The following TRHDE variants were observed in gnomAD, a reference collection of about 807,000 sequenced individuals.
TRHDE encodes the protein thyrotropin-releasing hormone-degrading ectoenzyme.
A neutral mutation model predicts 125.7 loss-of-function variants in TRHDE; 72 were observed. The observed-to-expected ratio is 0.57, with a 90% CI of 0.47 to 0.70. The LOEUF is 0.70. Ranked by LOEUF, TRHDE falls within the 30% of genes least tolerant of loss-of-function variation. The pLI is 0.00. For missense variants in TRHDE, 1,110 were observed against 1,327.1 expected, an observed-to-expected ratio of 0.84 and a Z score of 2.54; for synonymous variants, 509 against 509.1, an observed-to-expected ratio of 1.00 and a Z score of 0.00.
intron 12 of TRHDE, among the ~76,000 whole-genome samples, chr12:72,587,470 G>A (rs1871489181): frequency 6.6e-6 from 1 of 152,054 alleles, no homozygotes; most frequent in Admixed American, 6.6e-5. Flanking sequence ...TAGATAGATA[G>A]ATGATAGGCA....
At chr12:72,322,317 T>G (rs550187372) in intron 2 of TRHDE, among the ~76,000 whole-genome samples, 45 of 152,240 alleles carry the variant, frequency 3.0e-4, no homozygotes, top group African/African-American at 1.1e-3. Flanking sequence ...TCATGGTGAT[T>G]ATTTAAGGAT....
intron 3 of TRHDE, among the ~76,000 whole-genome samples, chr12:72,421,269 G>C (rs1456222749): frequency 2.0e-5 from 3 of 152,088 alleles, no homozygotes; most frequent in African/African-American, 7.2e-5. Flanking sequence ...GCTTCACTTG[G>C]GAGATCCTAG....
chr12:72,469,881 C>A lies in TRHDE; in HGVS notation c.1439C>A (p.Thr480Asn). The change falls in exon 4 of 19, where the codon ACC (threonine) becomes AAC (asparagine). Residue 480 changes from threonine to asparagine, a missense_variant. By Grantham distance (65) the Thr-to-Asn change is moderately conservative (BLOSUM62 0). This residue lies in a region of TRHDE where 252 missense variants were observed against 274.8 expected (regional missense o/e 0.92). Transcript: ENST00000261180. Reference protein sequence around the residue: ...VSSISYLLDVTMVIVHEICHQ... With the variant: ...VSSISYLLDVNMVIVHEICHQ... ...TCTATTTCTTATTTGCTGGATGTCA[C>A]CATGGTCATTGTTCATGAGATATGT... is the stretch of plus-strand genomic sequence containing the variant. 6.2e-7 allele frequency: 1 copy of A among 1,613,976 alleles called. No individual in the cohort carries two copies. The highest frequency in any genetic ancestry group is 1.3e-5 in the African/African-American group (1 of 74,988).
intron 2 of TRHDE, among the ~76,000 whole-genome samples, chr12:72,170,593 C>T (rs1382870003): frequency 6.6e-6 from 1 of 152,018 alleles, no homozygotes; most frequent in African/African-American, 2.4e-5. Context: ...GCAAGGATTG[C>T]TTGGCTCTAC....
chr12:72,121,288 G>T (rs948578706), intron 2 of TRHDE, among the ~76,000 whole-genome samples: 6 of 152,126 alleles, frequency 3.9e-5, no homozygotes, highest in South Asian at 2.1e-4. Context: ...ACCAAGACTT[G>T]TACAGGAATT....
intron 6 of TRHDE, among the ~76,000 whole-genome samples, chr12:72,528,596 C>A (rs1431229606): frequency 6.6e-6 from 1 of 152,066 alleles, no homozygotes; most frequent in East Asian, 1.9e-4. Flanking sequence ...TCAAGTAATT[C>A]TCCTGCCTCA....
intron 1 of TRHDE, among the ~76,000 whole-genome samples, chr12:72,088,045 T>A (rs754502062): frequency 6.6e-6 from 1 of 152,048 alleles, no homozygotes; most frequent in Non-Finnish European, 1.5e-5. Flanking sequence ...TCACTAAATT[T>A]GGTGGAAATG....
chr12:72,645,207 G>T (rs1874233189), intron 15 of TRHDE, among the ~76,000 whole-genome samples: 1 of 152,104 alleles, frequency 6.6e-6, no homozygotes, highest in Non-Finnish European at 1.5e-5. Context: ...TCATAAAGAA[G>T]ATCACTGAAG....
intron 3 of TRHDE, among the ~76,000 whole-genome samples, chr12:72,416,759 G>A (rs184834131): frequency 7.2e-5 from 11 of 152,066 alleles, no homozygotes; most frequent in Non-Finnish European, 1.2e-4. Flanking sequence ...TACCTGTACC[G>A]TGCTGTTTAG....
chr12:72,582,980 G>A (rs1183756602), intron 12 of TRHDE, among the ~76,000 whole-genome samples: 1 of 152,066 alleles, frequency 6.6e-6, no homozygotes, highest in Admixed American at 6.5e-5. Context: ...GTTTTACAAT[G>A]AAATTATGAG....
chr12:72,568,687 T>G, intron 10 of TRHDE, 31 bp downstream of exon 10: 3 of 1,488,054 alleles, frequency 2.0e-6, no homozygotes, highest in South Asian at 1.2e-5. Context: ...TGAGGAAGTA[T>G]CTGGTTTCAG....
chr12:72,512,552 A>G (rs1878646220), intron 6 of TRHDE, among the ~76,000 whole-genome samples: 1 of 139,672 alleles, frequency 7.2e-6, no homozygotes, highest in South Asian at 2.1e-4. Flanking sequence ...ATTCATATAT[A>G]ATCATATATA....
At chr12:72,214,399 C>T (rs537147269) in intron 2 of TRHDE, among the ~76,000 whole-genome samples, 2 of 152,266 alleles carry the variant, frequency 1.3e-5, no homozygotes, top group East Asian at 3.9e-4. Context: ...TTGCACACCA[C>T]ATTTACATTT....
chr12:72,581,827 G>A (rs974205526), intron 12 of TRHDE, among the ~76,000 whole-genome samples: 2 of 150,948 alleles, frequency 1.3e-5, no homozygotes, highest in African/African-American at 4.9e-5. Context: ...TAGGCACCGG[G>A]CGCAGTGGCT....
intron 2 of TRHDE, among the ~76,000 whole-genome samples, chr12:72,363,765 A>G (rs948084596): frequency 1.8e-3 from 272 of 152,144 alleles, no homozygotes; most frequent in Non-Finnish European, 3.3e-3. Flanking sequence ...TGGAAGTTCT[A>G]GCCAGGGCAA....
chr12:72,457,820 A>G (rs1347813075), intron 3 of TRHDE, among the ~76,000 whole-genome samples: 2 of 152,252 alleles, frequency 1.3e-5, no homozygotes, highest in Non-Finnish European at 2.9e-5. Flanking sequence ...TGTCTAAAGT[A>G]CATAAGAATT....
intron 2 of TRHDE, among the ~76,000 whole-genome samples, chr12:72,148,996 AT>A (rs1592458845): frequency 6.6e-6 from 1 of 151,918 alleles, no homozygotes; most frequent in African/African-American, 2.4e-5. Flanking sequence ...ATTTCCTGAG[AT>A]TTTTTTTAAT....
intron 2 of TRHDE, among the ~76,000 whole-genome samples, chr12:72,346,269 T>G (rs1430313193): frequency 6.6e-6 from 1 of 152,008 alleles, no homozygotes; most frequent in Non-Finnish European, 1.5e-5. Flanking sequence ...TGATGAATCT[T>G]GAAGGAATTT....
At chr12:72,246,473 A>G (rs1334410023) in intron 2 of TRHDE, among the ~76,000 whole-genome samples, 5 of 152,182 alleles carry the variant, frequency 3.3e-5, no homozygotes, top group Non-Finnish European at 7.3e-5. Flanking sequence ...TATAAAAAAC[A>G]TATTTTCTGG....
Sources: allele counts gnomAD v4.1 joint callset (sites outside exome capture counted in the v4.1 genomes callset), GRCh38; gene constraint gnomAD v4.1.1; regional missense constraint gnomAD v4.1.1; transcripts MANE v1.5; gene names NCBI Gene and HGNC (gene_info 2026-07-23, HGNC 2026-07-21).